The following SEMA6D variants were observed in gnomAD, a reference collection of about 807,000 sequenced individuals.
SEMA6D encodes semaphorin 6D, also known as semaphorin-6D.
A neutral mutation model predicts 106.6 loss-of-function variants in SEMA6D; 35 were observed. The ratio of observed to expected loss-of-function variants is 0.33; its 90% CI spans 0.25 to 0.44. The LOEUF is 0.44. Ranked by LOEUF, SEMA6D falls within the 20% of genes least tolerant of loss-of-function variation. SEMA6D has a pLI of 1.00. For missense variants in SEMA6D, 1,185 were observed against 1,345.9 expected (o/e 0.88, Z 1.87); for synonymous variants, 499 against 487.7 (o/e 1.02, Z -0.31).
chr15:47,755,236 GC>G (rs1338903202), intron 1 of SEMA6D, among the ~76,000 whole-genome samples: 1 of 152,104 alleles, frequency 6.6e-6, no homozygotes, highest in Non-Finnish European at 1.5e-5. Context: ...GAGCCACCAT[GC>G]CCAGCCTTGT....
At chr15:47,565,239 G>A (rs535710689) in intron 3 of SEMA6D, among the ~76,000 whole-genome samples, 217 of 152,296 alleles carry the variant, frequency 1.4e-3, no homozygotes, top group African/African-American at 4.8e-3. Flanking sequence ...CTGCAGGGCC[G>A]GCACAGAGTT....
At chr15:47,704,184 G>C (rs1326423008) in intron 4 of SEMA6D, among the ~76,000 whole-genome samples, 1 of 151,998 alleles carries the variant, frequency 6.6e-6, no homozygotes, top group East Asian at 1.9e-4. Context: ...TAAGGTCTTA[G>C]TAAGTTGCCC....
chr15:47,292,835 A>G (rs2035647758), intron 1 of SEMA6D, among the ~76,000 whole-genome samples: 1 of 152,106 alleles, frequency 6.6e-6, no homozygotes, highest in South Asian at 2.1e-4. Context: ...TCACTTTTTC[A>G]TTGCAACCAC....
intron 1 of SEMA6D, among the ~76,000 whole-genome samples, chr15:47,230,544 C>T (rs1226256934): frequency 1.3e-5 from 2 of 151,988 alleles, no homozygotes; most frequent in Admixed American, 6.6e-5. Context: ...GTAGCTGGCT[C>T]TTACTCTGCC....
At chr15:47,292,015 T>A (rs1299539508) in intron 1 of SEMA6D, among the ~76,000 whole-genome samples, 2 of 152,256 alleles carry the variant, frequency 1.3e-5, no homozygotes, top group African/African-American at 4.8e-5. Context: ...TTCTGCTCTT[T>A]GCTTCTCAGG....
chr15:47,322,457 A>G (rs1162341583), intron 1 of SEMA6D, among the ~76,000 whole-genome samples: 3 of 152,034 alleles, frequency 2.0e-5, no homozygotes, highest in South Asian at 4.1e-4. Context: ...ATATCTATCA[A>G]TTTAGGTTTT....
At chr15:47,381,153 A>G (rs538344881) in intron 1 of SEMA6D, among the ~76,000 whole-genome samples, 11 of 152,400 alleles carry the variant, frequency 7.2e-5, no homozygotes, top group African/African-American at 2.6e-4. Context: ...ACATTACTGC[A>G]GCAGAAAACT....
chr15:47,299,717 C>T (rs1366173616), intron 1 of SEMA6D, among the ~76,000 whole-genome samples: 3 of 152,164 alleles, frequency 2.0e-5, no homozygotes, highest in Non-Finnish European at 4.4e-5. Flanking sequence ...CTTGAGTAAC[C>T]TACATCCATC....
rs756563412 is a variant in SEMA6D at position 47,761,744 on chromosome 15, C to T, written c.531C>T (p.Leu177=). The change falls in exon 7 of 19, where the codon CTC becomes CTT. Residue 177 remains leucine (L), a synonymous_variant. Transcript: ENST00000536845. ...ATGCCAGACAAACCAATGTTGCCCTCTTTGCTGGTAAGATCCTTTAGCGTA... is the reference window on the plus strand; with the variant it reads ...ATGCCAGACAAACCAATGTTGCCCTTTTTGCTGGTAAGATCCTTTAGCGTA... ...PFDARQTNVA[L]FADGKLYSAT... The T allele has an allele frequency of 5.6e-6, 9 of 1,609,814 alleles. No individual in the cohort carries two copies. The African/African-American group carries it at 6.7e-5, about 12-fold the overall frequency.
chr15:47,601,329 G>T (rs1465677539), intron 4 of SEMA6D, among the ~76,000 whole-genome samples: 1 of 152,142 alleles, frequency 6.6e-6, no homozygotes, highest in East Asian at 1.9e-4. Flanking sequence ...CTTTGGTAAG[G>T]TCTTCCTGTC....
intron 1 of SEMA6D, among the ~76,000 whole-genome samples, chr15:47,373,818 A>G (rs114917411): frequency 6.6e-6 from 1 of 152,300 alleles, no homozygotes; most frequent in African/African-American, 2.4e-5. Flanking sequence ...TTTCTCTAGT[A>G]TAAAAGTTTC....
intron 4 of SEMA6D, among the ~76,000 whole-genome samples, chr15:47,706,255 A>G (rs2078910123): frequency 6.6e-6 from 1 of 152,212 alleles, no homozygotes; most frequent in Non-Finnish European, 1.5e-5. Context: ...GATTGCTGTT[A>G]TACATAGCAC....
chr15:47,365,133 A>G (rs1452901392), intron 1 of SEMA6D, among the ~76,000 whole-genome samples: 2 of 152,142 alleles, frequency 1.3e-5, no homozygotes, highest in South Asian at 2.1e-4. Context: ...CACAGACAGA[A>G]CCTTCATTAG....
At chr15:47,418,142 C>A (rs970057067) in intron 2 of SEMA6D, among the ~76,000 whole-genome samples, 1 of 152,000 alleles carries the variant, frequency 6.6e-6, no homozygotes, top group African/African-American at 2.4e-5. Flanking sequence ...ATGTAGATAC[C>A]TTCTGAGAAA....
chr15:47,676,400 T>G (rs559864548), intron 4 of SEMA6D, among the ~76,000 whole-genome samples: 1 of 152,332 alleles, frequency 6.6e-6, no homozygotes, highest in East Asian at 1.9e-4. Flanking sequence ...AAGGTCTTGC[T>G]TCTTGGCTAA....
intron 3 of SEMA6D, among the ~76,000 whole-genome samples, chr15:47,472,751 T>G (rs1408890405): frequency 1.3e-5 from 2 of 152,104 alleles, no homozygotes; most frequent in Non-Finnish European, 2.9e-5. Flanking sequence ...AAAGGAGAGA[T>G]AGGTGAAGAC....
intron 3 of SEMA6D, chr15:47,581,393 T>A (rs746623105): frequency 2.0e-6 from 1 of 492,944 alleles, no homozygotes; most frequent in African/African-American, 2.0e-5. Context: ...GATAATTCCA[T>A]GTAATGGGAA....
chr15:47,290,735 A>C (rs114321474), intron 1 of SEMA6D, among the ~76,000 whole-genome samples: 2,476 of 152,308 alleles, frequency 0.016, 74 homozygotes, highest in African/African-American at 0.056. Context: ...TGAGGCAATA[A>C]AAATGACCGC....
chr15:47,471,234 T>C (rs2042827228), intron 3 of SEMA6D, among the ~76,000 whole-genome samples: 2 of 152,112 alleles, frequency 1.3e-5, no homozygotes, highest in African/African-American at 2.4e-5. Flanking sequence ...TTTTATAGAC[T>C]CTGAGACACT....
Sources: gnomAD v4.1 joint callset for allele counts (sites outside exome capture counted in the v4.1 genomes callset) on GRCh38, gnomAD v4.1.1 for gene constraint, MANE v1.5 for transcripts, NCBI Gene and HGNC (gene_info 2026-07-23, HGNC 2026-07-21) for gene names.